The following SMCO4 variants were observed in gnomAD, a reference collection of about 807,000 sequenced individuals.
SMCO4 encodes the protein single-pass membrane and coiled-coil domain-containing protein 4.
A neutral mutation model predicts 3.6 loss-of-function variants in SMCO4; 4 were observed. The observed-to-expected ratio is 1.11, with a 90% CI of 0.54 to 2.53. SMCO4 has a LOEUF of 2.53. Ranked by LOEUF, SMCO4 falls within the 30% of genes most tolerant of loss-of-function variation. The pLI is 0.02. For missense variants in SMCO4, 70 were observed against 80.8 expected (o/e 0.87, Z 0.51); for synonymous variants, 36 against 35.3 (o/e 1.02, Z -0.07).
At chr11:93,487,237 T>C (rs1416219439) in intron 2 of SMCO4, among the ~76,000 whole-genome samples, 1 of 151,854 alleles carries the variant, frequency 6.6e-6, no homozygotes, top group Non-Finnish European at 1.5e-5. Context: ...AGAGTGGGGG[T>C]AGGGGGCAGA....
intron 1 of SMCO4, among the ~76,000 whole-genome samples, chr11:93,515,487 G>A (rs978582880): frequency 3.3e-5 from 5 of 152,174 alleles, no homozygotes; most frequent in African/African-American, 7.2e-5. Flanking sequence ...ATGAGTTAAC[G>A]AAGGTCATGT....
chr11:93,542,753 C>G (rs117945855), intron 1 of SMCO4, among the ~76,000 whole-genome samples: 6,697 of 152,216 alleles, frequency 0.044, 238 homozygotes, highest in Non-Finnish European at 0.065. Context: ...TCCCCGACCC[C>G]CAGGCGCCGA....
chr11:93,493,908 C>T (rs1174427638), intron 2 of SMCO4, among the ~76,000 whole-genome samples: 1 of 152,164 alleles, frequency 6.6e-6, no homozygotes, highest in East Asian at 1.9e-4. Flanking sequence ...GATACCACCC[C>T]TCTCTGTCAT....
intron 1 of SMCO4, among the ~76,000 whole-genome samples, chr11:93,530,111 T>C (rs1326176052): frequency 1.3e-5 from 2 of 152,186 alleles, no homozygotes; most frequent in African/African-American, 4.8e-5. Flanking sequence ...CCCAGAAGAA[T>C]CCACATAGCT....
At chr11:93,488,266 G>T (rs531921316) in intron 2 of SMCO4, among the ~76,000 whole-genome samples, 2 of 152,316 alleles carry the variant, frequency 1.3e-5, no homozygotes, top group African/African-American at 4.8e-5. Flanking sequence ...GCAGGGGCCA[G>T]CAAGTCCGGA....
chr11:93,495,323 A>T (rs1476114294), intron 2 of SMCO4, among the ~76,000 whole-genome samples: 1 of 152,010 alleles, frequency 6.6e-6, no homozygotes. Flanking sequence ...TGTACCAAAC[A>T]TCCAGCTGGA....
chr11:93,536,718 C>T (rs933398141), intron 1 of SMCO4, among the ~76,000 whole-genome samples: 2 of 152,136 alleles, frequency 1.3e-5, no homozygotes, highest in East Asian at 3.9e-4. Context: ...CTGCTGTGTC[C>T]TTCTGCACTA....
chr11:93,536,703 C>G (rs776422164), intron 1 of SMCO4, among the ~76,000 whole-genome samples: 1 of 152,154 alleles, frequency 6.6e-6, no homozygotes, highest in South Asian at 2.1e-4. Flanking sequence ...GGGAATGTGA[C>G]AAGTCTGCTG....
chr11:93,509,884 G>A (rs1463927797), intron 1 of SMCO4, among the ~76,000 whole-genome samples: 1 of 152,098 alleles, frequency 6.6e-6, no homozygotes, highest in Non-Finnish European at 1.5e-5. Flanking sequence ...ACACTGCTCA[G>A]GTGATCAGTG....
rs186379979 is a variant in SMCO4, at chr11:93,483,315, T to C, written c.-80-4046A>G. Among the ~76,000 whole-genome samples the C allele has an allele frequency of 3.0e-4, 46 of 152,258 alleles. 1 individual carries two copies. The highest frequency in any genetic ancestry group is 2.9e-3 in the Admixed American group (45 of 15,304). On this transcript the variant is annotated intron_variant, in intron 2 of 2. Transcript: ENST00000298966. The stretch of plus-strand genomic sequence containing the variant: ...GGGCTAAGGATCGCCTCACCATGGC[T>C]CTGGGCCCAGGGGCTGCACCGGGCG...
chr11:93,544,281 T>C (rs1411260309), upstream of SMCO4, among the ~76,000 whole-genome samples: 2 of 152,230 alleles, frequency 1.3e-5, no homozygotes, highest in African/African-American at 4.8e-5. Flanking sequence ...ATGCAGTAGG[T>C]GATTTTAAAA....
At chr11:93,493,370 C>CG (rs1306875986) in intron 2 of SMCO4, among the ~76,000 whole-genome samples, 1 of 152,178 alleles carries the variant, frequency 6.6e-6, no homozygotes, top group Non-Finnish European at 1.5e-5. Context: ...ACCTTCCCCA[C>CG]GCTGCCCCCA....
At chr11:93,481,892 G>A (rs932150090) in intron 2 of SMCO4, among the ~76,000 whole-genome samples, 1 of 152,240 alleles carries the variant, frequency 6.6e-6, no homozygotes, top group African/African-American at 2.4e-5. Flanking sequence ...CCATGCCCTG[G>A]CTGGCTGGCT....
chr11:93,480,954 C>A (rs1948585421), intron 2 of SMCO4, among the ~76,000 whole-genome samples: 1 of 151,568 alleles, frequency 6.6e-6, no homozygotes, highest in Admixed American at 6.6e-5. Flanking sequence ...TAATGCCAAT[C>A]AAAAGCAAAC....
chr11:93,534,371 T>TAGAGAGAG lies in SMCO4; in HGVS notation c.-154+8904_-154+8905insCTCTCTCT, dbSNP rs763362078. Among the ~76,000 whole-genome samples the TAGAGAGAG allele has an allele frequency of 2.1e-3, 267 of 126,012 alleles. 1 individual carries two copies. The highest frequency in any genetic ancestry group is 3.4e-3 in the Non-Finnish European group (197 of 58,066). 82.7% of individuals were successfully genotyped at this position (126,012 alleles called of 152,430 possible). On this transcript the variant is annotated intron_variant, in intron 1 of 2. Coordinates refer to ENST00000298966, the MANE Select transcript of SMCO4 (RefSeq NM_020179.3). ...ATATACACATACATATATATATATA[T>TAGAGAGAG]ATATAGAGAGAGAGAGAGAGAGAGA...
chr11:93,478,758 C>CACAA lies in SMCO4; in HGVS notation c.*251_*252insTTGT. Reference sequence around the variant, plus strand: ...ACACACACACACACACACACATGCGCGCGCGCTTTGAAGTCTGAAAGGCAC... The same window carrying CACAA: ...ACACACACACACACACACACATGCGCACAAGCGCGCTTTGAAGTCTGAAAGGCAC... On this transcript the variant is annotated 3_prime_UTR_variant, in exon 3 of 3. Transcript: ENST00000298966. 2 of 925,986 alleles carry CACAA rather than the reference C, an allele frequency of 2.2e-6. No individual in the cohort carries two copies. Among genetic ancestry groups the CACAA allele is most frequent in the Non-Finnish European group, 2.9e-6 (2 of 686,454 alleles). The allele number at this position is 925,986 out of a possible 1,614,324, so 57.4% of individuals were successfully genotyped here.
At chr11:93,487,651 G>A (rs2134576562) in intron 2 of SMCO4, among the ~76,000 whole-genome samples, 1 of 152,294 alleles carries the variant, frequency 6.6e-6, no homozygotes, top group African/African-American at 2.4e-5. Flanking sequence ...CAATAAATCA[G>A]ATAAGTCACA....
intron 2 of SMCO4, among the ~76,000 whole-genome samples, chr11:93,498,080 T>A (rs10466332): frequency 0.19 from 29,101 of 151,956 alleles, 3,102 homozygotes; most frequent in East Asian, 0.4. Context: ...GATAACAGGA[T>A]ATACATATTA....
intron 1 of SMCO4, among the ~76,000 whole-genome samples, chr11:93,509,618 C>T (rs190190474): frequency 7.2e-5 from 11 of 152,256 alleles, no homozygotes; most frequent in African/African-American, 2.6e-4. Context: ...ATACATATAC[C>T]ACGAAAGACT....
Sources: allele counts gnomAD v4.1 joint callset (sites outside exome capture counted in the v4.1 genomes callset), GRCh38; gene constraint gnomAD v4.1.1; transcripts MANE v1.5; gene names NCBI Gene and HGNC (gene_info 2026-07-23, HGNC 2026-07-21).